MYO7A: variants seen among roughly 807,000 people sequenced by gnomAD.
MYO7A encodes myosin VIIA, also known as unconventional myosin-VIIa.
In MYO7A, 210 loss-of-function variants were observed where a neutral mutation model predicts 263.8. The observed-to-expected ratio is 0.80, with a 90% CI of 0.71 to 0.89. The LOEUF (loss-of-function observed/expected upper bound fraction) is 0.89, where lower values mean the gene tolerates loss of function less well. Among genes scored for constraint, MYO7A ranks in the 40% least tolerant of loss-of-function variants. MYO7A has a pLI of 0.00. For synonymous variants in MYO7A, 1,239 were observed against 1,197.3 expected (o/e 1.03, Z -0.72); for missense variants, 2,820 against 2,968.3 (o/e 0.95, Z 1.16).
intron 18 of MYO7A, among the ~76,000 whole-genome samples, chr11:77,177,320 C>T (rs1340600681): frequency 6.6e-6 from 1 of 152,194 alleles, no homozygotes; most frequent in African/African-American, 2.4e-5. Flanking sequence ...GATTAGGCAC[C>T]TTCTGCTCCA....
In MYO7A at chr11:77,206,053, C is replaced by T. The variant is rs771009716; in HGVS notation, c.5637-44C>T. 2.0e-6 allele frequency: 3 copies of T among 1,477,640 alleles called. No homozygotes were observed. In the South Asian group the frequency reaches 3.6e-5, roughly 18 times the overall value. The allele number at this position is 1,477,640 out of a possible 1,614,324, so 91.5% of individuals were successfully genotyped here. ...AAGTGTCCCGGTCCCCTGGTCTCCA[C>T]AGTCCCACGCACATGCCCCCTGCTG... is the stretch of plus-strand genomic sequence containing the variant. On this transcript the variant is annotated intron_variant, in intron 40 of 48. Transcript: ENST00000409709.
Position 77,189,455 on chromosome 11 carries a change from C to G in MYO7A, c.3615C>G (p.Ser1205=), listed in dbSNP as rs782742557. Residue 1205 remains serine, a synonymous_variant, in exon 28 of 49, where the codon TCC becomes TCG. Transcript: ENST00000409709. ...TCTGCGTGGGCTGTTTCGCCCCCTC[C>G]GAGAAGTTTGTCAAGGTAGGAAGGT... ...VSLCVGCFAP[S]EKFVKYLRNF... 5 of 1,613,830 alleles carry G rather than the reference C, an allele frequency of 3.1e-6. No homozygotes were observed. In the South Asian group the frequency reaches 5.5e-5, roughly 18 times the overall value.
At chr11:77,179,617 C>A in intron 20 of MYO7A, 118 bp from the exon 21 acceptor site, 1 of 859,088 alleles carries the variant, frequency 1.2e-6, no homozygotes, top group Non-Finnish European at 1.8e-6. Flanking sequence ...GGAGACTGGG[C>A]CACGCCTTCT....
chr11:77,140,293 G>A (rs1951128913), intron 2 of MYO7A, among the ~76,000 whole-genome samples: 1 of 152,176 alleles, frequency 6.6e-6, no homozygotes. Context: ...TGAGCCATCT[G>A]GGCGGGGGAG....
At position 77,181,767 on chromosome 11, in the gene MYO7A, GTTT is replaced by G. The variant is rs10522799; in HGVS notation, c.2905-175_2905-173del. Among the ~76,000 whole-genome samples, 5 of 138,236 alleles carry G rather than the reference GTTT, an allele frequency of 3.6e-5. No individual in the cohort carries two copies. The East Asian group carries it at 9.0e-4, about 25-fold the overall frequency. 90.7% of individuals were successfully genotyped at this position (138,236 alleles called of 152,430 possible). On this transcript the variant is annotated intron_variant, in intron 23 of 48. Transcript: ENST00000409709. ...TGTCCCTCTCCAACGCCCTTCTCAA[GTTT>G]TTTTTTTTGTTTTTTTTTTTTTTTT...
At chr11:77,147,566 T>C (rs1211593847) in intron 3 of MYO7A, among the ~76,000 whole-genome samples, 4 of 152,136 alleles carry the variant, frequency 2.6e-5, no homozygotes, top group Admixed American at 2.0e-4. Context: ...CCTGCCCACC[T>C]CTTAGGTCTG....
chr11:77,152,692 C>T (rs1340104957), intron 4 of MYO7A, among the ~76,000 whole-genome samples: 1 of 151,980 alleles, frequency 6.6e-6, no homozygotes, highest in Non-Finnish European at 1.5e-5. Context: ...CTCTTATGTG[C>T]CGTGCATGGT....
At position 77,174,737 on chromosome 11, in the gene MYO7A, T is replaced by A; in HGVS notation, c.1936-19T>A. On this transcript the variant is annotated intron_variant, in intron 16 of 48. Transcript: ENST00000409709. ...AGCAGGAGCCTTGGCCCTGATGCCC[T>A]TGGCTGTGTGCCTGGCAGCTGTTCG... is the stretch of plus-strand genomic sequence containing the variant. 2 of 1,564,832 alleles carry A rather than the reference T, an allele frequency of 1.3e-6. No individual in the cohort carries two copies. The highest frequency in any genetic ancestry group is 1.7e-6 in the Non-Finnish European group (2 of 1,155,776).
intron 46 of MYO7A, 130 bp downstream of exon 46, chr11:77,212,067 G>C (rs767878406): frequency 3.9e-5 from 31 of 789,646 alleles, no homozygotes; most frequent in Non-Finnish European, 5.6e-5. Flanking sequence ...AAGGAGGGCA[G>C]CACCCTCAGC....
chr11:77,180,383 C>T lies in MYO7A; in HGVS notation c.2596C>T (p.Arg866Cys), dbSNP rs782487264. Residue 866 changes from arginine to cysteine, a missense_variant, in exon 22 of 49, where the codon CGC (arginine) becomes TGC (cysteine). Coordinates refer to ENST00000409709, the MANE Select transcript of MYO7A (RefSeq NM_000260.4). ...HQRLRAEYLW[R>C]LEAEKMRLAE... is the part of the protein sequence containing the mutation. ...TGCCCCCTTCCCTCAGTATCTGTGG[C>T]GCCTCGAGGCTGAGAAAATGCGGCT... The T allele has an allele frequency of 3.5e-5, 57 of 1,612,044 alleles. No homozygotes were observed. The highest frequency in any genetic ancestry group is 1.6e-4 in the Middle Eastern group (1 of 6,078).
chr11:77,161,577 G>A (rs563677639), intron 12 of MYO7A, among the ~76,000 whole-genome samples: 1 of 152,206 alleles, frequency 6.6e-6, no homozygotes, highest in African/African-American at 2.4e-5. Context: ...GTCAGGACCT[G>A]GCAAGTCATA....
chr11:77,208,257 C>T (rs561393825), intron 42 of MYO7A, among the ~76,000 whole-genome samples, 173 bp from the exon 43 acceptor site: 15 of 152,142 alleles, frequency 9.9e-5, no homozygotes, highest in South Asian at 2.1e-4. Flanking sequence ...TGGGCTCTTC[C>T]GGGGACACTC....
chr11:77,207,679 CAT>C (rs941542701), intron 42 of MYO7A, among the ~76,000 whole-genome samples: 5 of 152,206 alleles, frequency 3.3e-5, no homozygotes, highest in African/African-American at 9.6e-5. Flanking sequence ...CCCCAACACA[CAT>C]GTTCTTTCCA....
intron 35 of MYO7A, among the ~76,000 whole-genome samples, chr11:77,200,473 G>T (rs371290013): frequency 2.0e-5 from 3 of 152,146 alleles, no homozygotes; most frequent in African/African-American, 7.2e-5. Context: ...ACTCATTACC[G>T]TGAGCACGGC....
At chr11:77,149,759 C>G (rs143365708) in intron 4 of MYO7A, among the ~76,000 whole-genome samples, 47 of 152,276 alleles carry the variant, frequency 3.1e-4, no homozygotes, top group Non-Finnish European at 5.0e-4. Flanking sequence ...TCGCAGGGAG[C>G]CTTCTAGCAC....
At position 77,130,487 on chromosome 11, in the gene MYO7A, G is replaced by A. The variant is rs989977892; in HGVS notation, c.-46-102G>A. The A allele has an allele frequency of 1.7e-5, 14 of 827,810 alleles. 1 individual carries two copies. In the Admixed American group the frequency reaches 2.8e-4, roughly 17 times the overall value. 51.3% of individuals were successfully genotyped at this position (827,810 alleles called of 1,614,324 possible). A position where few individuals can be genotyped will look rare whatever the true frequency, so the allele number is the denominator to read the frequency against. On this transcript the variant is annotated intron_variant, in intron 1 of 48. Coordinates refer to ENST00000409709, the MANE Select transcript of MYO7A (RefSeq NM_000260.4). ...AGCCAAGGAGGGTTCCCTTGAGGGA[G>A]GAGGAGCTGGGGCTTTGGGAGGAGC...
intron 22 of MYO7A, 83 bp downstream of exon 22, chr11:77,180,564 G>T: frequency 8.3e-7 from 1 of 1,204,410 alleles, no homozygotes; most frequent in South Asian, 1.4e-5. Context: ...TCTGTCACCC[G>T]GTGCTGCAGC....
chr11:77,158,331 C>G lies in MYO7A; in HGVS notation c.904C>G (p.Arg302Gly), dbSNP rs781922871. The G allele has an allele frequency of 1.9e-6, 3 of 1,613,124 alleles. No homozygotes were observed. Among genetic ancestry groups the G allele is most frequent in the Non-Finnish European group, 2.5e-6 (3 of 1,179,608 alleles). Residue 302 changes from arginine to glycine, a missense_variant, in exon 9 of 49, where the codon CGC becomes GGC. Transcript: ENST00000409709. ...GGACAGCCAGGAGTACGCCAACATC[C>G]GCTCCGCCATGAAGGTGCTCATGTT... ...RVDSQEYANI[R>G]SAMKVLMFTD...
intron 15 of MYO7A, 54 bp downstream of exon 15, chr11:77,166,216 GA>G (rs1740864797): frequency 6.8e-7 from 1 of 1,480,138 alleles, no homozygotes; most frequent in Non-Finnish European, 9.4e-7. Context: ...GGCCAGGCCT[GA>G]GTCTAAGCCC....
Sources: allele counts gnomAD v4.1 joint callset (sites outside exome capture counted in the v4.1 genomes callset), GRCh38; gene constraint gnomAD v4.1.1; transcripts MANE v1.5; gene names NCBI Gene and HGNC (gene_info 2026-07-23, HGNC 2026-07-21).